Variants in SEMA4G observed in about 807,000 individuals in gnomAD.
SEMA4G encodes the protein semaphorin-4G.
A neutral mutation model predicts 81.2 loss-of-function variants in SEMA4G; 59 were observed. The ratio of observed to expected loss-of-function variants is 0.73; its 90% CI spans 0.59 to 0.90. The LOEUF is 0.90. Among genes scored for constraint, SEMA4G ranks in the 40% least tolerant of loss-of-function variants. SEMA4G has a pLI of 0.00. For synonymous variants in SEMA4G, 404 were observed against 433.9 expected, an observed-to-expected ratio of 0.93 and a Z score of 0.86; for missense variants, 952 against 1,102.3, an observed-to-expected ratio of 0.86 and a Z score of 1.93.
chr10:100,973,066 A>C lies in SEMA4G; in HGVS notation c.124+30A>C. ...GACCCTCAACCTCAAAAGGCAGCAGAAGCCAGGGCTGGGGGTGGGGAGGCA... is the reference window on the plus strand; with the variant it reads ...GACCCTCAACCTCAAAAGGCAGCAGCAGCCAGGGCTGGGGGTGGGGAGGCA... On this transcript the variant is annotated intron_variant, in intron 1 of 13. Transcript: ENST00000370250. This position sits in a 1 kb window ranked among gnomAD's most constrained non-coding sequence, Gnocchi z 5.5. 6.2e-7 allele frequency: 1 copy of C among 1,614,136 alleles called. No homozygotes were observed. Among genetic ancestry groups the C allele is most frequent in the Non-Finnish European group, 8.5e-7 (1 of 1,180,018 alleles).
downstream of SEMA4G, chr10:100,984,894 G>C (rs1166136937): frequency 4.1e-6 from 6 of 1,464,602 alleles, no homozygotes; most frequent in South Asian, 1.4e-5. Flanking sequence ...AAGAGTATGA[G>C]AGACAGAGCT....
At position 100,973,464 on chromosome 10, in the gene SEMA4G, A is replaced by G. The variant is rs912078961; in HGVS notation, c.274-83A>G. ...ATTGATCCCCACCCCAATTTCCCCAACTCTGTGGGGTCCTATTGCCTGGTC... is the reference window on the plus strand; with the variant it reads ...ATTGATCCCCACCCCAATTTCCCCAGCTCTGTGGGGTCCTATTGCCTGGTC... On this transcript the variant is annotated intron_variant, in intron 2 of 13. Transcript: ENST00000370250. This position sits in a 1 kb window ranked among gnomAD's most constrained non-coding sequence, Gnocchi z 5.5. 15 of 1,488,832 alleles carry G rather than the reference A, an allele frequency of 1.0e-5. No individual in the cohort carries two copies. In the African/African-American group the frequency reaches 1.8e-4, roughly 18 times the overall value. The allele number at this position is 1,488,832 out of a possible 1,614,324, so 92.2% of individuals were successfully genotyped here.
At chr10:100,982,700 G>C (rs1851159691) in intron 13 of SEMA4G, among the ~76,000 whole-genome samples, 1 of 152,248 alleles carries the variant, frequency 6.6e-6, no homozygotes, top group African/African-American at 2.4e-5. Context: ...CCAGAGGCAA[G>C]ATAATCGCGT....
intron 4 of SEMA4G, 24 bp downstream of exon 5, chr10:100,977,754 G>C (rs1225264508): frequency 6.4e-7 from 1 of 1,567,240 alleles, no homozygotes; most frequent in African/African-American, 1.4e-5. Flanking sequence ...TGTTGTGCCA[G>C]ATCTCTGTTG....
In SEMA4G at chr10:100,978,655, G is replaced by T. The variant is rs1314825521; in HGVS notation, c.643+15G>T. 3 of 1,607,092 alleles carry T rather than the reference G, an allele frequency of 1.9e-6. No homozygotes were observed. Among genetic ancestry groups the T allele is most frequent in the Non-Finnish European group, 2.6e-6 (3 of 1,173,772 alleles). On this transcript the variant is annotated intron_variant, in intron 6 of 13. Coordinates refer to ENST00000370250, the Ensembl canonical transcript of SEMA4G. ...TTGGCTCAATGGTTAGGAGGATGAG[G>T]CACAGGATGATGGGGGGTAGGGGAC...
At chr10:100,970,339 C>G (rs1850595557), upstream of SEMA4G, among the ~76,000 whole-genome samples, 1 of 151,910 alleles carries the variant, frequency 6.6e-6, no homozygotes, top group African/African-American at 2.4e-5. Flanking sequence ...TAAGTGGGGG[C>G]TGAGAGCTCC....
At chr10:100,978,205 C>G in intron 4 of SEMA4G, 90 bp from the exon 6 acceptor site, 1 of 886,578 alleles carries the variant, frequency 1.1e-6, no homozygotes, top group South Asian at 1.5e-5. Flanking sequence ...TATCCCTGAT[C>G]GCTGATCCCT....
At chr10:100,979,117 A>G in exon 8 of SEMA4G, 1 of 1,614,074 alleles carries the variant, frequency 6.2e-7, no homozygotes, top group Non-Finnish European at 8.5e-7. Context: ...CCTGGGAGGG[A>G]AGAAGATCCT....
exon 14 of SEMA4G, chr10:100,983,390 G>T (rs1851218914): frequency 6.2e-7 from 1 of 1,611,664 alleles, no homozygotes; most frequent in Admixed American, 1.7e-5. Flanking sequence ...ACCTGGCCCG[G>T]GCCTTGTGGC....
At chr10:100,981,546 G>T (rs1851075875) in intron 13 of SEMA4G, 3 of 1,613,804 alleles carry the variant, frequency 1.9e-6, no homozygotes, top group Non-Finnish European at 2.5e-6. Context: ...ACTGATATCT[G>T]AAGAAAGAAC....
At chr10:100,984,079 A>G in exon 14 of SEMA4G, 3 of 1,613,604 alleles carry the variant, frequency 1.9e-6, no homozygotes, top group Non-Finnish European at 2.5e-6. Flanking sequence ...CGCATCCTGG[A>G]AAAAAGGAAG....
chr10:100,978,342 G>A (rs758114685), exon 5 of SEMA4G: 2 of 1,613,782 alleles, frequency 1.2e-6, no homozygotes, highest in South Asian at 2.2e-5. Context: ...AGGGGAAGGA[G>A]AAGTGTCCTT....
exon 14 of SEMA4G, chr10:100,984,709 TAC>T: frequency 6.5e-7 from 1 of 1,536,132 alleles, no homozygotes; most frequent in Non-Finnish European, 8.7e-7. Context: ...GGACTTGGGG[TAC>T]CCTCCCAATT....
chr10:100,981,253 G>A (rs1385370497), intron 13 of SEMA4G, 24 bp downstream of exon 14: 1 of 1,612,640 alleles, frequency 6.2e-7, no homozygotes, highest in Admixed American at 1.7e-5. Flanking sequence ...ATGAGTGTGG[G>A]TCTAGCTACG....
intron 4 of SEMA4G, 172 bp from the exon 6 acceptor site, chr10:100,978,123 G>C: frequency 1.7e-6 from 1 of 600,176 alleles, no homozygotes; most frequent in Non-Finnish European, 3.0e-6. Context: ...ACATTGTTTT[G>C]AGGCCATAAG....
exon 1 of SEMA4G, chr10:100,972,736 T>G: frequency 1.2e-4 from 69 of 554,362 alleles, no homozygotes; most frequent in East Asian, 1.9e-4. Flanking sequence ...GTCCCCCCGA[T>G]TCCAGGACCC....
Position 100,973,404 on chromosome 10 carries a change from C to T in SEMA4G, c.273+127C>T, listed in dbSNP as rs994893762. On this transcript the variant is annotated intron_variant, in intron 2 of 13. Coordinates refer to ENST00000370250, the Ensembl canonical transcript of SEMA4G. This position sits in a 1 kb window ranked among gnomAD's most constrained non-coding sequence, Gnocchi z 5.5. ...GGTCAGACAGCACTGCCCTTCCCAG[C>T]CCAGGTGTTCCTTGCATTCAGTGTT... 3 of 1,395,460 alleles carry T rather than the reference C, an allele frequency of 2.1e-6. No homozygotes were observed. Among genetic ancestry groups the T allele is most frequent in the African/African-American group, 2.9e-5 (2 of 70,102 alleles). 86.4% of individuals were successfully genotyped at this position (1,395,460 alleles called of 1,614,324 possible).
chr10:100,976,182 T>G (rs982218799), intron 3 of SEMA4G, among the ~76,000 whole-genome samples: 2 of 152,044 alleles, frequency 1.3e-5, no homozygotes, highest in Admixed American at 6.6e-5. Context: ...GGAGGAATCA[T>G]TAACGTGGCA....
chr10:100,979,334 C>T, intron 8 of SEMA4G, 63 bp downstream of exon 9: 3 of 1,613,618 alleles, frequency 1.9e-6, no homozygotes, highest in Non-Finnish European at 2.5e-6. Flanking sequence ...GAGCAGAGGT[C>T]AATGAGGATG....
Sources: allele counts gnomAD v4.1 joint callset (sites outside exome capture counted in the v4.1 genomes callset), GRCh38; gene constraint gnomAD v4.1.1; non-coding constraint Gnocchi (gnomAD v3.1); transcripts MANE v1.5; gene names NCBI Gene and HGNC (gene_info 2026-07-23, HGNC 2026-07-21).